Variants in PPP6R3 observed in about 807,000 individuals in gnomAD.
The protein encoded by PPP6R3 is serine/threonine-protein phosphatase 6 regulatory subunit 3.
Under a neutral mutation model 110.7 loss-of-function variants are expected in PPP6R3, and 38 were observed. That is an observed-to-expected ratio of 0.34 (90% CI 0.26 to 0.45). The LOEUF is 0.45. Ranked by LOEUF, PPP6R3 falls within the 20% of genes least tolerant of loss-of-function variation. The pLI, the probability that PPP6R3 is intolerant of heterozygous loss-of-function variation, is 1.00. For missense variants in PPP6R3, 870 were observed against 1,062.4 expected, an observed-to-expected ratio of 0.82 and a Z score of 2.52; for synonymous variants, 369 against 373.5, an observed-to-expected ratio of 0.99 and a Z score of 0.14.
intron 21 of PPP6R3, 59 bp from the exon 22 acceptor site, chr11:68,603,283 T>G: frequency 1.3e-6 from 2 of 1,599,690 alleles, no homozygotes; most frequent in East Asian, 4.5e-5. Context: ...TGTACAGTGG[T>G]GGGGTGCCAG....
chr11:68,564,461 C>T (rs781302548), intron 9 of PPP6R3, 29 bp downstream of exon 9: 2 of 1,611,614 alleles, frequency 1.2e-6, no homozygotes, highest in Non-Finnish European at 1.7e-6. Context: ...GCATGGCTGC[C>T]CAGCGAGTAA....
chr11:68,611,876 T>C (rs1943619924), intron 23 of PPP6R3, among the ~76,000 whole-genome samples: 1 of 152,264 alleles, frequency 6.6e-6, no homozygotes, highest in African/African-American at 2.4e-5. Flanking sequence ...CCCAGCCAGA[T>C]ACCACAGTTC....
chr11:68,535,593 CT>C (rs1057489438), intron 2 of PPP6R3: 1 of 151,996 alleles, frequency 6.6e-6, no homozygotes, highest in Non-Finnish European at 1.5e-5. Flanking sequence ...ACAAGGAAGA[CT>C]TTTATAACAC....
rs572940482 is a variant in PPP6R3, at chr11:68,564,184, C to A, written c.846-119C>A. 315 of 1,079,714 alleles carry A rather than the reference C, an allele frequency of 2.9e-4. 1 individual carries two copies. The highest frequency in any genetic ancestry group is 3.9e-4 in the Non-Finnish European group (294 of 758,006). The allele number at this position is 1,079,714 out of a possible 1,614,324, so 66.9% of individuals were successfully genotyped here. On this transcript the variant is annotated intron_variant, in intron 8 of 23. Coordinates refer to ENST00000393800, the MANE Select transcript of PPP6R3 (RefSeq NM_001164161.2). ...CTGCCTCATTATGCTTTTTTCCTAG[C>A]CTTTTTTCCCGCAGCCAGAAAAGTT...
intron 2 of PPP6R3, among the ~76,000 whole-genome samples, chr11:68,527,432 C>T (rs913818576): frequency 6.6e-6 from 1 of 152,172 alleles, no homozygotes; most frequent in Non-Finnish European, 1.5e-5. Flanking sequence ...CCACCTCAGG[C>T]GTCTTACCTT....
chr11:68,515,612 G>A (rs2099132643), intron 1 of PPP6R3, among the ~76,000 whole-genome samples: 1 of 152,190 alleles, frequency 6.6e-6, no homozygotes, highest in Non-Finnish European at 1.5e-5. Context: ...CGGGATTGTG[G>A]CATTCAGGAT....
At chr11:68,550,896 G>T (rs992277246) in intron 5 of PPP6R3, 1 of 462,232 alleles carries the variant, frequency 2.2e-6, no homozygotes. Flanking sequence ...TAGTGTGTGG[G>T]TATTGTAATT....
At chr11:68,472,618 T>G (rs911294628) in intron 1 of PPP6R3, among the ~76,000 whole-genome samples, 17 of 139,788 alleles carry the variant, frequency 1.2e-4, no homozygotes, top group East Asian at 8.0e-4. Context: ...TATCTCGGGG[T>G]TTTTTTTTTT....
intron 1 of PPP6R3, among the ~76,000 whole-genome samples, chr11:68,468,943 A>G (rs1022951288): frequency 1.3e-5 from 2 of 152,226 alleles, no homozygotes; most frequent in Non-Finnish European, 2.9e-5. Context: ...CATTTTTTCA[A>G]CATAGTGTGG....
chr11:68,564,583 C>G, intron 9 of PPP6R3, 151 bp downstream of exon 9: 1 of 816,832 alleles, frequency 1.2e-6, no homozygotes, highest in East Asian at 2.8e-5. Flanking sequence ...ATTTTTACTG[C>G]TTTTGAGTGG....
At chr11:68,544,203 A>T (rs1193546357) in intron 3 of PPP6R3, among the ~76,000 whole-genome samples, 1 of 152,110 alleles carries the variant, frequency 6.6e-6, no homozygotes, top group African/African-American at 2.4e-5. Context: ...TGATCCTCTA[A>T]TCTCAGCCTC....
intron 1 of PPP6R3, among the ~76,000 whole-genome samples, chr11:68,481,186 A>C (rs1252318520): frequency 2.0e-5 from 3 of 152,184 alleles, no homozygotes; most frequent in Admixed American, 6.5e-5. Context: ...TTGACCAATA[A>C]ATTAAAAAGA....
chr11:68,501,546 T>G (rs10896331), intron 1 of PPP6R3, among the ~76,000 whole-genome samples: 1 of 152,012 alleles, frequency 6.6e-6, no homozygotes, highest in African/African-American at 2.4e-5. Flanking sequence ...AGGCTGGTCT[T>G]GAACTCCTGG....
chr11:68,483,520 T>C (rs952028380), intron 1 of PPP6R3, among the ~76,000 whole-genome samples: 2 of 152,210 alleles, frequency 1.3e-5, no homozygotes, highest in Non-Finnish European at 2.9e-5. Flanking sequence ...ATTCTATAAG[T>C]TTTTTAGACT....
chr11:68,569,674 G>A (rs966457783), intron 10 of PPP6R3, 74 bp from the exon 11 acceptor site: 2 of 1,271,804 alleles, frequency 1.6e-6, no homozygotes, highest in African/African-American at 3.0e-5. Context: ...TTAAATCACT[G>A]TTCTGTAAAT....
At chr11:68,591,759 AT>A in intron 18 of PPP6R3, 53 bp downstream of exon 18, 1 of 1,555,406 alleles carries the variant, frequency 6.4e-7, no homozygotes. Flanking sequence ...AAAGAAAATG[AT>A]TATCATGAGA....
chr11:68,608,842 CATT>C (rs1392868701), intron 22 of PPP6R3, among the ~76,000 whole-genome samples: 1 of 152,160 alleles, frequency 6.6e-6, no homozygotes, highest in Admixed American at 6.5e-5. Flanking sequence ...ATTAGAAACA[CATT>C]AGTTGCTTTG....
intron 2 of PPP6R3, among the ~76,000 whole-genome samples, chr11:68,523,683 T>C (rs1403223785): frequency 6.7e-6 from 1 of 149,476 alleles, no homozygotes; most frequent in East Asian, 2.0e-4. Flanking sequence ...ATTGCTTTCT[T>C]CTATTTCCTA....
rs1944517088 is a variant in PPP6R3, at chr11:68,613,553, T to C, written c.*436T>C. ...ACATTTTTCACCTTGTACAAAATTATGAATTCATTTTTCCTCCAGGCCGAC... is the reference window on the plus strand; with the variant it reads ...ACATTTTTCACCTTGTACAAAATTACGAATTCATTTTTCCTCCAGGCCGAC... On this transcript the variant is annotated 3_prime_UTR_variant, in exon 24 of 24. Coordinates refer to ENST00000393800, the MANE Select transcript of PPP6R3 (RefSeq NM_001164161.2). 1.2e-5 allele frequency: 12 copies of C among 986,432 alleles called. No individual in the cohort carries two copies. Among genetic ancestry groups the C allele is most frequent in the East Asian group, 2.3e-4 (2 of 8,832 alleles). 61.1% of individuals were successfully genotyped at this position (986,432 alleles called of 1,614,324 possible). A position where few individuals can be genotyped will look rare whatever the true frequency, so the allele number is the denominator to read the frequency against.
Sources: allele counts gnomAD v4.1 joint callset (sites outside exome capture counted in the v4.1 genomes callset), GRCh38; gene constraint gnomAD v4.1.1; transcripts MANE v1.5; gene names NCBI Gene and HGNC (gene_info 2026-07-23, HGNC 2026-07-21).